ARSB: variants seen among roughly 807,000 people sequenced by gnomAD.
ARSB encodes the protein N-acetylgalactosamine-4-sulfatase.
A neutral mutation model predicts 50.9 loss-of-function variants in ARSB; 41 were observed. The observed-to-expected ratio is 0.81, with a 90% CI of 0.63 to 1.04. The LOEUF is 1.04. Among genes scored for constraint, ARSB ranks in the 50% least tolerant of loss-of-function variants. The pLI, the probability that ARSB is intolerant of heterozygous loss-of-function variation, is 0.00. For missense variants in ARSB, 672 were observed against 693.3 expected, an observed-to-expected ratio of 0.97 and a Z score of 0.35; for synonymous variants, 269 against 284.8, an observed-to-expected ratio of 0.94 and a Z score of 0.56.
chr5:78,813,948 G>T (rs1005300873), intron 6 of ARSB, among the ~76,000 whole-genome samples: 2 of 152,068 alleles, frequency 1.3e-5, no homozygotes, highest in African/African-American at 4.8e-5. Context: ...TTGAGTGAAA[G>T]AAAAAGAACT....
chr5:78,926,399 C>T (rs1198107333), intron 4 of ARSB, among the ~76,000 whole-genome samples: 2 of 152,216 alleles, frequency 1.3e-5, no homozygotes, highest in Non-Finnish European at 2.9e-5. Context: ...ATGCTGAGTC[C>T]CCACTGGAGG....
chr5:78,915,263 T>C (rs746577210), intron 4 of ARSB, among the ~76,000 whole-genome samples: 2 of 152,168 alleles, frequency 1.3e-5, no homozygotes, highest in Non-Finnish European at 2.9e-5. Context: ...TCAATTAAAA[T>C]TGACACAATT....
At chr5:78,829,486 A>T (rs1475778190) in intron 6 of ARSB, among the ~76,000 whole-genome samples, 2 of 152,160 alleles carry the variant, frequency 1.3e-5, no homozygotes, top group Non-Finnish European at 2.9e-5. Context: ...ACTTTATTTT[A>T]TAACTGTGTT....
intron 5 of ARSB, among the ~76,000 whole-genome samples, chr5:78,877,878 A>G (rs1581082633): frequency 6.6e-6 from 1 of 152,344 alleles, no homozygotes; most frequent in African/African-American, 2.4e-5. Context: ...AATATTTATT[A>G]TAACTGTATT....
In ARSB at chr5:78,893,427, AAGTTTGTAGTAAAAT is replaced by A. The variant is rs1173301604; in HGVS notation, c.899-7615_899-7601del. ...AGGATTAAAAAGAAAAATGTTATAA[AAGTTTGTAGTAAAAT>A]ATTTCCTCACTTTAATGAGGCTAAT... On this transcript the variant is annotated intron_variant, in intron 4 of 7. Transcript: ENST00000264914. 5.6e-3 allele frequency among the ~76,000 whole-genome samples: 854 copies of A among 152,272 alleles called. 12 individuals carry two copies. The highest frequency in any genetic ancestry group is 0.02 in the African/African-American group (822 of 41,532).
At chr5:78,945,406 G>A (rs966896317) in intron 4 of ARSB, among the ~76,000 whole-genome samples, 6 of 152,026 alleles carry the variant, frequency 3.9e-5, no homozygotes, top group South Asian at 2.1e-4. Flanking sequence ...GTTCCTATTC[G>A]GCCATCTTGG....
chr5:78,955,449 A>T lies in ARSB; in HGVS notation c.744T>A (p.Pro248=), dbSNP rs764599728. 1 of 1,614,104 alleles carries T rather than the reference A, an allele frequency of 6.2e-7. No individual in the cohort carries two copies. The highest frequency in any genetic ancestry group is 1.3e-5 in the African/African-American group (1 of 74,930). The stretch of plus-strand genomic sequence containing the variant: ...AGTCATATGGCTTCAAGTATTCCTC[A>T]GGGACCTGAAGGGGCTCATGCACAG... ...LQSVHEPLQV[P]EEYLKPYDFI... The change falls in exon 4 of 8, where the codon CCT becomes CCA. Residue 248 remains proline (P), a synonymous_variant. Transcript: ENST00000264914.
intron 4 of ARSB, among the ~76,000 whole-genome samples, chr5:78,901,906 G>A (rs1260399428): frequency 6.6e-6 from 1 of 152,230 alleles, no homozygotes; most frequent in Admixed American, 6.5e-5. Flanking sequence ...GGAGAAACTG[G>A]AACACTCATA....
chr5:78,834,950 T>C (rs565852197), intron 6 of ARSB, among the ~76,000 whole-genome samples: 103 of 135,982 alleles, frequency 7.6e-4, no homozygotes, highest in African/African-American at 2.3e-3. Flanking sequence ...CAATTCTTAT[T>C]TTCCCCTCCC....
At chr5:78,959,886 C>A (rs959769755) in intron 3 of ARSB, among the ~76,000 whole-genome samples, 9 of 152,176 alleles carry the variant, frequency 5.9e-5, no homozygotes, top group Admixed American at 5.9e-4. Context: ...ACAGTGAGGA[C>A]CCCACCTGCA....
intron 4 of ARSB, among the ~76,000 whole-genome samples, chr5:78,948,298 A>G (rs1395745996): frequency 6.6e-6 from 1 of 152,192 alleles, no homozygotes; most frequent in African/African-American, 2.4e-5. Context: ...GTTTAATTGG[A>G]ATGTTGGTAA....
At chr5:78,854,524 G>C (rs1000997990) in intron 5 of ARSB, among the ~76,000 whole-genome samples, 1 of 152,140 alleles carries the variant, frequency 6.6e-6, no homozygotes, top group African/African-American at 2.4e-5. Flanking sequence ...CCATTTCCAT[G>C]TGTTTGTAAA....
chr5:78,960,369 TGA>T (rs1751928289), intron 3 of ARSB, among the ~76,000 whole-genome samples: 1 of 136,964 alleles, frequency 7.3e-6, no homozygotes, highest in South Asian at 2.4e-4. Flanking sequence ...AAAGTATAAA[TGA>T]AAAAAAAAGC....
At chr5:78,937,957 A>G (rs1376505104) in intron 4 of ARSB, among the ~76,000 whole-genome samples, 1 of 152,164 alleles carries the variant, frequency 6.6e-6, no homozygotes, top group Non-Finnish European at 1.5e-5. Context: ...AAAAGAATCA[A>G]ATGTCCATAT....
chr5:78,966,367 A>G (rs534927247), intron 2 of ARSB, among the ~76,000 whole-genome samples: 3 of 151,914 alleles, frequency 2.0e-5, no homozygotes, highest in African/African-American at 7.2e-5. Context: ...GGGGAAAAAA[A>G]TAGAAAATGC....
intron 4 of ARSB, among the ~76,000 whole-genome samples, chr5:78,905,600 G>T (rs936040809): frequency 6.6e-6 from 1 of 152,100 alleles, no homozygotes; most frequent in East Asian, 1.9e-4. Context: ...CCACTCAGGG[G>T]TTAATCTAGG....
intron 2 of ARSB, among the ~76,000 whole-genome samples, chr5:78,966,176 A>C (rs934497692): frequency 3.3e-5 from 5 of 152,234 alleles, no homozygotes; most frequent in African/African-American, 1.2e-4. Flanking sequence ...AAAGGCATGA[A>C]CTACAAATAT....
intron 4 of ARSB, among the ~76,000 whole-genome samples, chr5:78,952,706 C>G (rs1218757643): frequency 6.6e-6 from 1 of 152,212 alleles, no homozygotes; most frequent in Non-Finnish European, 1.5e-5. Flanking sequence ...TCTTCCAGAA[C>G]TAGCATCTTC....
chr5:78,839,959 A>C (rs1024446060), intron 5 of ARSB, among the ~76,000 whole-genome samples: 1 of 152,238 alleles, frequency 6.6e-6, no homozygotes, highest in African/African-American at 2.4e-5. Flanking sequence ...TTAAGGCTTT[A>C]AAAAATGTGT....
Sources: gnomAD v4.1 joint callset for allele counts (sites outside exome capture counted in the v4.1 genomes callset) on GRCh38, gnomAD v4.1.1 for gene constraint, MANE v1.5 for transcripts, NCBI Gene and HGNC (gene_info 2026-07-23, HGNC 2026-07-21) for gene names.